Variants in EPB41L1 observed in about 807,000 individuals in gnomAD.
The protein encoded by EPB41L1 is band 4.1-like protein 1.
In EPB41L1, 29 loss-of-function variants were observed where a neutral mutation model predicts 97.8. That is an observed-to-expected ratio of 0.30 (90% confidence interval 0.22 to 0.40). The LOEUF is 0.40. Ranked by LOEUF, EPB41L1 falls within the 10% of genes least tolerant of loss-of-function variation. The pLI is 1.00. For missense variants in EPB41L1, 812 were observed against 1,162.3 expected, an observed-to-expected ratio of 0.70 and a Z score of 4.38; for synonymous variants, 383 against 459.2, an observed-to-expected ratio of 0.83 and a Z score of 2.12.
intron 1 of EPB41L1, among the ~76,000 whole-genome samples, chr20:36,164,243 G>T (rs2060646143): frequency 1.3e-5 from 2 of 152,350 alleles, no homozygotes; most frequent in Middle Eastern, 3.4e-3. Flanking sequence ...CTTCAAGCAG[G>T]TCATGGATCT....
At chr20:36,204,374 C>T (rs1569306973) in intron 14 of EPB41L1, among the ~76,000 whole-genome samples, 1 of 152,060 alleles carries the variant, frequency 6.6e-6, no homozygotes, top group Non-Finnish European at 1.5e-5. Context: ...TTTCTAACCA[C>T]CCTAGAAGTC....
chr20:36,213,973 A>G (rs1481968884), intron 16 of EPB41L1, among the ~76,000 whole-genome samples: 2 of 151,574 alleles, frequency 1.3e-5, no homozygotes, highest in Non-Finnish European at 2.9e-5. Context: ...CTGTCTCCCA[A>G]TGGCTCGCCC....
intron 1 of EPB41L1, among the ~76,000 whole-genome samples, chr20:36,111,528 G>A (rs6058409): frequency 0.057 from 8,702 of 152,296 alleles, 349 homozygotes; most frequent in African/African-American, 0.11. Flanking sequence ...GCTCATGCCT[G>A]TAATCCTAGC....
chr20:36,207,329 C>T lies in EPB41L1; in HGVS notation c.1669-2159C>T, dbSNP rs2062876149. 1 of 1,285,864 alleles carries T rather than the reference C, an allele frequency of 7.8e-7. No individual in the cohort carries two copies. Among genetic ancestry groups the T allele is most frequent in the African/African-American group, 1.5e-5 (1 of 65,720 alleles). 79.7% of individuals were successfully genotyped at this position (1,285,864 alleles called of 1,614,324 possible). On this transcript the variant is annotated intron_variant, in intron 14 of 21. Transcript: ENST00000338074. This position sits in a 1 kb window ranked among gnomAD's most constrained non-coding sequence, Gnocchi z 4.9. ...AAGCCCAGAGTAGTCCCTGAAGAAG[C>T]TGAGGGGCGCATACCTCTGGGGTTT...
rs140789055 is a variant in EPB41L1, at chr20:36,156,860, T to A, written c.-15+1964T>A. Among the ~76,000 whole-genome samples, 130 of 152,248 alleles carry A rather than the reference T, an allele frequency of 8.5e-4. 1 individual carries two copies. Among genetic ancestry groups the A allele is most frequent in the African/African-American group, 3.0e-3 (126 of 41,550 alleles). ...AGAGTTTTCTGACTTCAGGCTGTGG[T>A]GGGAGGTGCTTGTTAGCACCTGCCG... On this transcript the variant is annotated intron_variant, in intron 1 of 21. Transcript: ENST00000338074.
chr20:36,219,722 T>TA lies in EPB41L1; in HGVS notation c.2356-38dup, dbSNP rs761693755. On this transcript the variant is annotated intron_variant, in intron 18 of 21. Coordinates refer to ENST00000338074, the MANE Select transcript of EPB41L1 (RefSeq NM_012156.2). ...TCACCCCTCCAGAGCCCACTGTCCT[T>TA]ACCTGACACCCTGGGTGGGGGGTGG... 4 of 1,600,870 alleles carry TA rather than the reference T, an allele frequency of 2.5e-6. No individual in the cohort carries two copies. In the South Asian group the frequency reaches 4.4e-5, roughly 18 times the overall value.
chr20:36,155,064 G>A (rs752806362), intron 1 of EPB41L1, 168 bp downstream of exon 1: 1 of 641,594 alleles, frequency 1.6e-6, no homozygotes, highest in South Asian at 1.5e-5. Context: ...CCTACCTACC[G>A]GTCTGCAGCC....
intron 2 of EPB41L1, among the ~76,000 whole-genome samples, chr20:36,125,220 G>T (rs1242184490): frequency 1.3e-5 from 2 of 152,162 alleles, no homozygotes; most frequent in Non-Finnish European, 2.9e-5. Flanking sequence ...TATTCCTACA[G>T]GCCCAGAAGG....
chr20:36,196,113 T>C lies in EPB41L1; in HGVS notation c.1485+749T>C, dbSNP rs2062189118. On this transcript the variant is annotated intron_variant, in intron 13 of 21. Transcript: ENST00000338074. ...TTAACTGCAAGAGAAGTGGGTTTAT[T>C]CTTGGGCTGCCAAGGTAAAGGGCCA... Among the ~76,000 whole-genome samples, 3 of 152,326 alleles carry C rather than the reference T, an allele frequency of 2.0e-5. No individual in the cohort carries two copies. The South Asian group carries it at 6.2e-4, about 32-fold the overall frequency.
chr20:36,195,934 C>G lies in EPB41L1; in HGVS notation c.1485+570C>G, dbSNP rs982131353. Among the ~76,000 whole-genome samples the G allele has an allele frequency of 1.3e-5, 2 of 152,228 alleles. No individual in the cohort carries two copies. The highest frequency in any genetic ancestry group is 4.8e-5 in the African/African-American group (2 of 41,464). ...CCCAACTCCAGTCCTACACCTCCCCCAGGCAGGGTCGACTACTGCTCCGCT... is the reference window on the plus strand; with the variant it reads ...CCCAACTCCAGTCCTACACCTCCCCGAGGCAGGGTCGACTACTGCTCCGCT... On this transcript the variant is annotated intron_variant, in intron 13 of 21. Coordinates refer to ENST00000338074, the MANE Select transcript of EPB41L1 (RefSeq NM_012156.2). The surrounding 1 kb of genome is among the most constrained non-coding windows in gnomAD (Gnocchi z 4.6).
rs550551177 is a variant in EPB41L1, at chr20:36,163,627, C to T, written c.-15+8731C>T. Among the ~76,000 whole-genome samples the T allele has an allele frequency of 2.0e-5, 3 of 152,230 alleles. No homozygotes were observed. In the South Asian group the frequency reaches 6.2e-4, roughly 32 times the overall value. On this transcript the variant is annotated intron_variant, in intron 1 of 21. Coordinates refer to ENST00000338074, the MANE Select transcript of EPB41L1 (RefSeq NM_012156.2). ...AAAGATGTGAGCAGGGTGAGGGGAA[C>T]CCACATGGGATGGTGAGGCACCCAC...
chr20:36,114,015 C>T (rs971535663), intron 2 of EPB41L1, among the ~76,000 whole-genome samples: 17 of 152,168 alleles, frequency 1.1e-4, no homozygotes, highest in African/African-American at 4.1e-4. Flanking sequence ...AGATAATAGA[C>T]TTTCACAGGC....
intron 2 of EPB41L1, among the ~76,000 whole-genome samples, chr20:36,130,189 G>A (rs1412866276): frequency 1.3e-5 from 2 of 151,794 alleles, no homozygotes; most frequent in Non-Finnish European, 2.9e-5. Flanking sequence ...TGATCTGCTC[G>A]CCTTGGCCTT....
chr20:36,134,914 C>T (rs1003305403), intron 2 of EPB41L1, among the ~76,000 whole-genome samples: 5 of 134,942 alleles, frequency 3.7e-5, no homozygotes, highest in African/African-American at 1.4e-4. Context: ...GGCTAGAGTG[C>T]AGTGGCTTGA....
chr20:36,109,938 GT>G (rs35320427), intron 1 of EPB41L1: 19,789 of 137,152 alleles, frequency 0.14, 2,558 homozygotes, highest in African/African-American at 0.36. Context: ...TCTTGACATT[GT>G]TTTTTTTTTT....
chr20:36,153,337 C>T (rs372149401), upstream of EPB41L1, among the ~76,000 whole-genome samples: 1 of 152,028 alleles, frequency 6.6e-6, no homozygotes, highest in Admixed American at 6.5e-5. Flanking sequence ...GGAGAGCCCA[C>T]TGGTGAGGCT....
rs1002403323 is a variant in EPB41L1 at position 36,207,259 on chromosome 20, C to T, written c.1669-2229C>T. On this transcript the variant is annotated intron_variant, in intron 14 of 21. Coordinates refer to ENST00000338074, the MANE Select transcript of EPB41L1 (RefSeq NM_012156.2). The surrounding 1 kb of genome is among the most constrained non-coding windows in gnomAD (Gnocchi z 4.9). ...GGACCAAGTAGGGTTTGTGGTGTCC[C>T]CTGCCACAGGAGGTGAGCGCAGGCC... The T allele has an allele frequency of 2.6e-5, 33 of 1,276,986 alleles. No homozygotes were observed. The highest frequency in any genetic ancestry group is 3.3e-5 in the Non-Finnish European group (32 of 981,132). The allele number at this position is 1,276,986 out of a possible 1,614,324, so 79.1% of individuals were successfully genotyped here. A position where few individuals can be genotyped will look rare whatever the true frequency, so the allele number is the denominator to read the frequency against.
chr20:36,201,117 C>G (rs2062472598), intron 14 of EPB41L1: 1 of 381,614 alleles, frequency 2.6e-6, no homozygotes, highest in South Asian at 1.9e-5. Context: ...GTAACCCATG[C>G]TGTCTCCATG....
In EPB41L1 at chr20:36,093,350, T is replaced by C. The variant is rs903026131; in HGVS notation, c.-65+1738T>C. Among the ~76,000 whole-genome samples the C allele has an allele frequency of 9.2e-5, 14 of 151,442 alleles. No homozygotes were observed. Among genetic ancestry groups the C allele is most frequent in the African/African-American group, 3.2e-4 (13 of 41,200 alleles). On this transcript the variant is annotated intron_variant, in intron 1 of 19. Coordinates refer to the EPB41L1 transcript ENST00000202028. The surrounding 1 kb of genome is among the most constrained non-coding windows in gnomAD (Gnocchi z 5.4). ...GTGTGTGTGCGCGCGCGTCGCTGTGTGCGCGCCAGTGTAACTCCCGTGTGT... is the reference window on the plus strand; with the variant it reads ...GTGTGTGTGCGCGCGCGTCGCTGTGCGCGCGCCAGTGTAACTCCCGTGTGT...
Sources: allele counts gnomAD v4.1 joint callset (sites outside exome capture counted in the v4.1 genomes callset), GRCh38; gene constraint gnomAD v4.1.1; non-coding constraint Gnocchi (gnomAD v3.1); transcripts MANE v1.5; gene names NCBI Gene and HGNC (gene_info 2026-07-23, HGNC 2026-07-21).